Variants in TMEM163 observed in about 807,000 individuals in gnomAD.
The protein encoded by TMEM163 is transmembrane protein 163.
TMEM163 carries 17 observed loss-of-function variants against 29.3 expected under a neutral mutation model. The observed-to-expected ratio is 0.58, with a 90% CI of 0.40 to 0.87. The LOEUF (loss-of-function observed/expected upper bound fraction) is 0.87. Ranked by LOEUF, TMEM163 falls within the 40% of genes least tolerant of loss-of-function variation. The pLI, the probability that TMEM163 is intolerant of heterozygous loss-of-function variation, is 0.00. For missense variants in TMEM163, 303 were observed against 381.5 expected, an observed-to-expected ratio of 0.79 and a Z score of 1.71; for synonymous variants, 157 against 160.6, an observed-to-expected ratio of 0.98 and a Z score of 0.17.
At chr2:134,596,595 A>T (rs1306190201) in intron 2 of TMEM163, among the ~76,000 whole-genome samples, 1 of 152,174 alleles carries the variant, frequency 6.6e-6, no homozygotes, top group Non-Finnish European at 1.5e-5. Context: ...TGGCAATGCG[A>T]GCTCTTCTTT....
At chr2:134,681,892 T>A (rs1266219677) in intron 2 of TMEM163, among the ~76,000 whole-genome samples, 1 of 152,158 alleles carries the variant, frequency 6.6e-6, no homozygotes, top group Non-Finnish European at 1.5e-5. Flanking sequence ...AAATGTACAT[T>A]TAGAACCCAG....
chr2:134,550,919 T>TG (rs1223320532), intron 3 of TMEM163, among the ~76,000 whole-genome samples: 6 of 152,082 alleles, frequency 3.9e-5, no homozygotes. Flanking sequence ...GAGCGGAAGG[T>TG]GGGGGAGTTC....
At chr2:134,681,600 C>T (rs1322861085) in intron 2 of TMEM163, among the ~76,000 whole-genome samples, 2 of 152,152 alleles carry the variant, frequency 1.3e-5, no homozygotes, top group Non-Finnish European at 1.5e-5. Flanking sequence ...TAAGTCCTAC[C>T]ACTCAGCTTC....
chr2:134,638,776 G>A (rs1683163938), intron 2 of TMEM163, among the ~76,000 whole-genome samples: 1 of 152,196 alleles, frequency 6.6e-6, no homozygotes, highest in Non-Finnish European at 1.5e-5. Context: ...GAGATGTCAG[G>A]AGGACACGGG....
intron 5 of TMEM163, among the ~76,000 whole-genome samples, chr2:134,492,797 C>T (rs1679458371): frequency 6.6e-6 from 1 of 152,138 alleles, no homozygotes; most frequent in South Asian, 2.1e-4. Context: ...AGAAATGAAA[C>T]TGCAATAAAC....
intron 4 of TMEM163, among the ~76,000 whole-genome samples, chr2:134,512,390 T>C (rs374297076): frequency 1.5e-4 from 23 of 151,920 alleles, no homozygotes; most frequent in East Asian, 9.7e-4. Flanking sequence ...GCCTGGGAGG[T>C]GGAGGTTGCT....
chr2:134,593,264 T>G (rs1681979799), intron 2 of TMEM163, among the ~76,000 whole-genome samples: 1 of 152,104 alleles, frequency 6.6e-6, no homozygotes, highest in Non-Finnish European at 1.5e-5. Flanking sequence ...TATGCAAATT[T>G]CCTAAAAGTT....
At chr2:134,676,212 G>A (rs1311125992) in intron 2 of TMEM163, among the ~76,000 whole-genome samples, 8 of 152,118 alleles carry the variant, frequency 5.3e-5, no homozygotes, top group South Asian at 4.1e-4. Context: ...CCAACTTGAC[G>A]TCAATTAGCT....
chr2:134,489,289 G>A (rs1293406337), intron 5 of TMEM163, among the ~76,000 whole-genome samples: 1 of 152,114 alleles, frequency 6.6e-6, no homozygotes, highest in Non-Finnish European at 1.5e-5. Flanking sequence ...AAGTTGCAGT[G>A]TGGGCCAGGC....
chr2:134,645,443 G>A (rs1683314532), intron 2 of TMEM163, among the ~76,000 whole-genome samples: 1 of 152,166 alleles, frequency 6.6e-6, no homozygotes. Flanking sequence ...TTACTATCTG[G>A]CCCTTTACAG....
intron 4 of TMEM163, among the ~76,000 whole-genome samples, chr2:134,539,811 G>A (rs1365011608): frequency 3.3e-5 from 5 of 152,192 alleles, no homozygotes; most frequent in Non-Finnish European, 1.5e-5. Flanking sequence ...CAGCTGTGGG[G>A]AAAACAAGCC....
intron 2 of TMEM163, among the ~76,000 whole-genome samples, chr2:134,625,326 A>G (rs1574290070): frequency 6.6e-6 from 1 of 152,228 alleles, no homozygotes; most frequent in African/African-American, 2.4e-5. Context: ...TGCCAAAGTA[A>G]ACTAAACAAA....
intron 2 of TMEM163, among the ~76,000 whole-genome samples, chr2:134,636,432 T>C (rs1316209290): frequency 6.6e-6 from 1 of 152,246 alleles, no homozygotes; most frequent in Non-Finnish European, 1.5e-5. Flanking sequence ...TGTCATTTAA[T>C]TATCATCGAA....
intron 1 of TMEM163, among the ~76,000 whole-genome samples, chr2:134,714,427 C>A (rs376918372): frequency 6.6e-6 from 1 of 152,212 alleles, no homozygotes; most frequent in African/African-American, 2.4e-5. Flanking sequence ...ATCACACCTA[C>A]GCATCACATA....
intron 2 of TMEM163, among the ~76,000 whole-genome samples, chr2:134,563,201 T>TC (rs1199836623): frequency 6.6e-6 from 1 of 152,126 alleles, no homozygotes; most frequent in African/African-American, 2.4e-5. Flanking sequence ...GAGCCAAGGC[T>TC]CCACTGCCAG....
rs1686445175 is a variant in TMEM163 at position 134,458,187 on chromosome 2, G to A, written c.668-14C>T. On this transcript the variant is annotated splice_polypyrimidine_tract_variant and intron_variant, in intron 6 of 7. Transcript: ENST00000281924. ...GGGAGTTAAACCCTGCAAAGGAAGT[G>A]GAGAGAGGCTAGATGGCAGTGCCAA... 1 of 1,614,012 alleles carries A rather than the reference G, an allele frequency of 6.2e-7. No individual in the cohort carries two copies. The highest frequency in any genetic ancestry group is 1.3e-5 in the African/African-American group (1 of 75,036).
intron 2 of TMEM163, among the ~76,000 whole-genome samples, chr2:134,687,140 G>A (rs896475331): frequency 1.3e-5 from 2 of 152,200 alleles, no homozygotes; most frequent in African/African-American, 4.8e-5. Context: ...ACCTCTACTT[G>A]CAAGATGGCC....
At chr2:134,553,178 G>A (rs1387734720) in intron 2 of TMEM163, among the ~76,000 whole-genome samples, 3 of 152,168 alleles carry the variant, frequency 2.0e-5, no homozygotes, top group Admixed American at 1.3e-4. Context: ...TTGTTCCCAG[G>A]CCTACGTTCT....
chr2:134,646,330 C>T (rs570493167), intron 2 of TMEM163, among the ~76,000 whole-genome samples: 1 of 152,310 alleles, frequency 6.6e-6, no homozygotes, highest in African/African-American at 2.4e-5. Flanking sequence ...GGTGATCCAC[C>T]CGCCTCAGCC....
Sources: gnomAD v4.1 joint callset for allele counts (sites outside exome capture counted in the v4.1 genomes callset) on GRCh38, gnomAD v4.1.1 for gene constraint, MANE v1.5 for transcripts, NCBI Gene and HGNC (gene_info 2026-07-23, HGNC 2026-07-21) for gene names.